Variants in PTPRD observed in about 807,000 individuals in gnomAD.
The protein encoded by PTPRD is protein tyrosine phosphatase receptor type D.
In PTPRD, 34 loss-of-function variants were observed where a neutral mutation model predicts 214.5. That is an observed-to-expected ratio of 0.16 (90% CI 0.12 to 0.21). PTPRD has a LOEUF of 0.21. Ranked by LOEUF, PTPRD falls within the 10% of genes least tolerant of loss-of-function variation. The probability of loss-of-function intolerance (pLI) is 1.00; values close to 1 mark genes in which losing one functional copy is unlikely to be tolerated. For synonymous variants in PTPRD, 1,128 were observed against 845.7 expected (o/e 1.33, Z -5.79); for missense variants, 2,545 against 2,398.7 (o/e 1.06, Z -1.27).
intron 2 of PTPRD, among the ~76,000 whole-genome samples, chr9:10,555,159 C>G (rs1463530116): frequency 6.6e-6 from 1 of 152,162 alleles, no homozygotes; most frequent in Non-Finnish European, 1.5e-5. Context: ...GAAAACCTTT[C>G]CACTGCAACC....
chr9:9,775,390 C>G (rs547477203), intron 5 of PTPRD, among the ~76,000 whole-genome samples: 1 of 152,164 alleles, frequency 6.6e-6, no homozygotes, highest in African/African-American at 2.4e-5. Context: ...TAGTCAGAAT[C>G]TCTCCATCTT....
chr9:9,555,634 C>A (rs905732056), intron 8 of PTPRD, among the ~76,000 whole-genome samples: 1 of 151,970 alleles, frequency 6.6e-6, no homozygotes, highest in East Asian at 1.9e-4. Flanking sequence ...AGGCTAAGTT[C>A]AATATGTTGT....
chr9:8,598,002 T>G (rs570871495), intron 14 of PTPRD, among the ~76,000 whole-genome samples: 1 of 152,304 alleles, frequency 6.6e-6, no homozygotes, highest in South Asian at 2.1e-4. Flanking sequence ...CATCTCTCAT[T>G]TTGGTACTAA....
intron 7 of PTPRD, among the ~76,000 whole-genome samples, chr9:9,708,500 T>G (rs185759640): frequency 6.6e-6 from 1 of 152,194 alleles, no homozygotes; most frequent in East Asian, 1.9e-4. Context: ...GCCATTATTG[T>G]TTTTGAATTG....
chr9:8,825,907 G>C (rs2097166063), intron 11 of PTPRD, among the ~76,000 whole-genome samples: 9 of 152,180 alleles, frequency 5.9e-5, no homozygotes, highest in Admixed American at 5.9e-4. Flanking sequence ...TTTGGTGTTG[G>C]TGGGTTTTGG....
chr9:8,922,290 G>A (rs539379662), intron 11 of PTPRD, among the ~76,000 whole-genome samples: 2 of 152,174 alleles, frequency 1.3e-5, no homozygotes, highest in East Asian at 3.9e-4. Context: ...ATCAATACCA[G>A]GACTTTCAGA....
At chr9:8,460,594 T>A (rs1446226843) in intron 32 of PTPRD, 23 bp from the exon 33 acceptor site, 1 of 1,599,318 alleles carries the variant, frequency 6.3e-7, no homozygotes, top group Admixed American at 1.8e-5. Context: ...AGAGTCTATT[T>A]CAGTTATAAA....
chr9:8,737,964 G>C (rs937620656), intron 11 of PTPRD, among the ~76,000 whole-genome samples: 7 of 151,758 alleles, frequency 4.6e-5, no homozygotes, highest in Non-Finnish European at 7.4e-5. Flanking sequence ...TCTTTCATCA[G>C]CAGGGACATG....
At chr9:9,148,957 T>A (rs1331470745) in intron 10 of PTPRD, among the ~76,000 whole-genome samples, 3 of 152,246 alleles carry the variant, frequency 2.0e-5, no homozygotes, top group Non-Finnish European at 4.4e-5. Flanking sequence ...AGGCTAATAC[T>A]GCCTTTGGAG....
chr9:10,131,021 G>C (rs1380795375), intron 3 of PTPRD, among the ~76,000 whole-genome samples: 1 of 152,136 alleles, frequency 6.6e-6, no homozygotes, highest in South Asian at 2.1e-4. Context: ...GATAAAAGAA[G>C]TATAAGGTGA....
At chr9:9,029,457 G>A (rs2099597643) in intron 10 of PTPRD, among the ~76,000 whole-genome samples, 1 of 151,400 alleles carries the variant, frequency 6.6e-6, no homozygotes, top group South Asian at 2.1e-4. Flanking sequence ...GAAAAATTGG[G>A]TAGCAGTGTA....
At chr9:9,894,528 T>C (rs1194621143) in intron 5 of PTPRD, among the ~76,000 whole-genome samples, 1 of 152,036 alleles carries the variant, frequency 6.6e-6, no homozygotes, top group Admixed American at 6.6e-5. Flanking sequence ...TTTTCATATT[T>C]GTCTAATCAA....
Position 9,560,462 on chromosome 9 carries a change from G to C in PTPRD, c.-237+14270C>G, listed in dbSNP as rs549450151. On this transcript the variant is annotated intron_variant, in intron 8 of 45. Transcript: ENST00000381196. Reference sequence around the variant, plus strand: ...TTCCTCCTTGGTGTTGTGCACCTCAGGTGCTTCAGCGCCTCCTCCACACTC... The same window carrying C: ...TTCCTCCTTGGTGTTGTGCACCTCACGTGCTTCAGCGCCTCCTCCACACTC... 5.3e-5 allele frequency among the ~76,000 whole-genome samples: 8 copies of C among 152,332 alleles called. No individual in the cohort carries two copies. The South Asian group carries it at 1.7e-3, about 32-fold the overall frequency.
chr9:9,470,764 C>A (rs1055003731), intron 8 of PTPRD, among the ~76,000 whole-genome samples: 1 of 152,104 alleles, frequency 6.6e-6, no homozygotes. Context: ...GTAACAAGAG[C>A]CTCCTTCATC....
At chr9:9,739,825 A>G (rs909858299) in intron 6 of PTPRD, among the ~76,000 whole-genome samples, 1 of 151,990 alleles carries the variant, frequency 6.6e-6, no homozygotes, top group Admixed American at 6.6e-5. Flanking sequence ...CTCTACATAT[A>G]TATATATATG....
At chr9:10,079,951 A>G (rs1480773127) in intron 3 of PTPRD, among the ~76,000 whole-genome samples, 1 of 144,944 alleles carries the variant, frequency 6.9e-6, no homozygotes, top group Non-Finnish European at 1.5e-5. Context: ...TTTTTTTTCC[A>G]GCTTGGTATG....
intron 8 of PTPRD, among the ~76,000 whole-genome samples, chr9:9,445,416 C>A (rs2090040221): frequency 6.6e-6 from 1 of 152,126 alleles, no homozygotes. Flanking sequence ...GAACAATTTT[C>A]ACTTGGCACC....
intron 5 of PTPRD, among the ~76,000 whole-genome samples, chr9:9,876,966 C>G (rs2067066136): frequency 6.6e-6 from 1 of 152,086 alleles, no homozygotes; most frequent in Non-Finnish European, 1.5e-5. Flanking sequence ...ACATAAGTTG[C>G]CTGTATAAAT....
chr9:9,825,352 CAA>C lies in PTPRD; in HGVS notation c.-367-58503_-367-58502del, dbSNP rs1384922869. ...AGAGAGAAAGAGACAAAGAAAGAGA[CAA>C]AGAGACACAGAGAGAGACACAGAGA... is the stretch of plus-strand genomic sequence containing the variant. On this transcript the variant is annotated intron_variant, in intron 5 of 45. Transcript: ENST00000381196. Among the ~76,000 whole-genome samples the C allele has an allele frequency of 6.9e-5, 10 of 145,166 alleles. No homozygotes were observed. The South Asian group carries it at 2.0e-3, about 29-fold the overall frequency.
Sources: allele counts gnomAD v4.1 joint callset (sites outside exome capture counted in the v4.1 genomes callset), GRCh38; gene constraint gnomAD v4.1.1; transcripts MANE v1.5; gene names NCBI Gene and HGNC (gene_info 2026-07-23, HGNC 2026-07-21).